Variants in EBF3 observed in about 807,000 individuals in gnomAD.
EBF3 encodes EBF transcription factor 3.
Under a neutral mutation model 77.1 loss-of-function variants are expected in EBF3, and 18 were observed. The ratio of observed to expected loss-of-function variants is 0.23; its 90% CI spans 0.16 to 0.35. The LOEUF (loss-of-function observed/expected upper bound fraction) is 0.35. EBF3 is among the 10% of genes least tolerant of loss of function. The pLI, the probability that EBF3 is intolerant of heterozygous loss-of-function variation, is 1.00. For synonymous variants in EBF3, 350 were observed against 343.5 expected, an observed-to-expected ratio of 1.02 and a Z score of -0.21; for missense variants, 558 against 860.0, an observed-to-expected ratio of 0.65 and a Z score of 4.39.
chr10:129,911,221 A>G (rs144587699), intron 6 of EBF3, among the ~76,000 whole-genome samples: 96 of 152,344 alleles, frequency 6.3e-4, no homozygotes, highest in African/African-American at 2.1e-3. Context: ...ACCAGGAGCC[A>G]TGGTCCCGGA....
intron 9 of EBF3, 115 bp downstream of exon 9, chr10:129,867,667 G>A: frequency 1.3e-6 from 2 of 1,510,468 alleles, no homozygotes; most frequent in Non-Finnish European, 1.8e-6. Flanking sequence ...ACAGTGCAGT[G>A]TGTTAAAAGG....
At chr10:129,907,826 A>T (rs941255410) in intron 6 of EBF3, among the ~76,000 whole-genome samples, 13 of 152,178 alleles carry the variant, frequency 8.5e-5, no homozygotes, top group African/African-American at 3.1e-4. Context: ...TGTAAAGTGC[A>T]CTCTCCTGGT....
At chr10:129,903,576 A>G (rs1854933829) in intron 6 of EBF3, among the ~76,000 whole-genome samples, 1 of 152,252 alleles carries the variant, frequency 6.6e-6, no homozygotes, top group Admixed American at 6.5e-5. Flanking sequence ...AATGTATTAG[A>G]GAGATACTGG....
In EBF3 at chr10:129,839,093, C is replaced by T; in HGVS notation, c.1862G>A (p.Gly621Glu). ...TCAAATCACTGATACCTTTCCAGTT[C>T]CTTTTTTGAGCATTAGTTCATCAAA... ...FHFDELMLKK[G>E]TGKLCLGW Residue 621 changes from glycine (G) to glutamate (E), a missense_variant, in exon 16 of 17, where the codon GGA (glycine) becomes GAA (glutamate). By Grantham distance (98) the Gly-to-Glu change is moderately conservative (BLOSUM62 -2). Transcript: ENST00000440978. The T allele has an allele frequency of 7.7e-7, 1 of 1,304,486 alleles. No homozygotes were observed. Among genetic ancestry groups the T allele is most frequent in the Non-Finnish European group, 1.0e-6 (1 of 989,002 alleles). The allele number at this position is 1,304,486 out of a possible 1,614,324, so 80.8% of individuals were successfully genotyped here.
chr10:129,840,183 CACT>C (rs2133940734), intron 15 of EBF3, 59 bp downstream of exon 15: 2,241 of 1,319,768 alleles, frequency 1.7e-3, no homozygotes, highest in Non-Finnish European at 2.1e-3. Flanking sequence ...CCCCCACCCC[CACT>C]CCCATCCCCA....
intron 6 of EBF3, among the ~76,000 whole-genome samples, chr10:129,955,241 T>C (rs1858952464): frequency 6.6e-6 from 1 of 152,198 alleles, no homozygotes; most frequent in Admixed American, 6.5e-5. Context: ...ACCCTCACCT[T>C]AAAATCCCTA....
In EBF3 at chr10:129,842,144, C is replaced by T. The variant is rs1850109722; in HGVS notation, c.1344G>A (p.Val448=). ...GGTCGTTGGCTTGTGACGTCTCTGA[C>T]ACGTTGACGGCTAGCTGGCTGCTGA... ...NSFSSQLAVN[V]SETSQANDQV... The change falls in exon 13 of 17, where the codon GTG becomes GTA. Residue 448 remains valine, a synonymous_variant. Transcript: ENST00000440978. This position sits in a 1 kb window ranked among gnomAD's most constrained non-coding sequence, Gnocchi z 4.4. 1 of 1,614,124 alleles carries T rather than the reference C, an allele frequency of 6.2e-7. No individual in the cohort carries two copies. Among genetic ancestry groups the T allele is most frequent in the Non-Finnish European group, 8.5e-7 (1 of 1,180,050 alleles).
At chr10:129,887,112 C>G (rs1167750448) in intron 6 of EBF3, among the ~76,000 whole-genome samples, 1 of 143,498 alleles carries the variant, frequency 7.0e-6, no homozygotes, top group Non-Finnish European at 1.5e-5. Flanking sequence ...GGGGCACTGG[C>G]CCACAAAGAA....
intron 7 of EBF3, among the ~76,000 whole-genome samples, chr10:129,875,548 G>T (rs906259292): frequency 6.6e-6 from 1 of 152,170 alleles, no homozygotes; most frequent in Non-Finnish European, 1.5e-5. Flanking sequence ...CAGCAGGGGC[G>T]GTACACACGC....
At chr10:129,901,057 G>A (rs568259114) in intron 6 of EBF3, among the ~76,000 whole-genome samples, 5 of 152,270 alleles carry the variant, frequency 3.3e-5, no homozygotes, top group East Asian at 1.9e-4. Flanking sequence ...TTTCTGGCAC[G>A]CCCTCTGATA....
chr10:129,856,018 C>T (rs1035155399), intron 10 of EBF3, among the ~76,000 whole-genome samples: 1 of 152,248 alleles, frequency 6.6e-6, no homozygotes, highest in Non-Finnish European at 1.5e-5. Flanking sequence ...CTGTCCTGTG[C>T]TCTGGGGTGG....
intron 6 of EBF3, among the ~76,000 whole-genome samples, chr10:129,946,966 G>A (rs576842356): frequency 1.1e-4 from 17 of 152,302 alleles, no homozygotes; most frequent in South Asian, 2.1e-4. Flanking sequence ...CTCGCTGGCC[G>A]GGGACCTGGC....
chr10:129,921,916 G>A (rs993721138), intron 6 of EBF3, among the ~76,000 whole-genome samples: 6 of 152,134 alleles, frequency 3.9e-5, no homozygotes, highest in East Asian at 1.9e-4. Context: ...AGCCTGGCCC[G>A]CCCCCTGTCT....
intron 6 of EBF3, among the ~76,000 whole-genome samples, chr10:129,920,790 T>C (rs748603825): frequency 2.6e-5 from 4 of 152,192 alleles, no homozygotes; most frequent in African/African-American, 7.2e-5. Flanking sequence ...TGAAGGACCA[T>C]GATGGCTGGT....
At chr10:129,917,328 C>G (rs569047507) in intron 6 of EBF3, among the ~76,000 whole-genome samples, 18 of 152,222 alleles carry the variant, frequency 1.2e-4, no homozygotes, top group Non-Finnish European at 2.4e-4. Flanking sequence ...AAATTCACAC[C>G]ACTGCACTCC....
intron 6 of EBF3, among the ~76,000 whole-genome samples, chr10:129,880,340 C>T (rs568407803): frequency 8.1e-4 from 114 of 140,140 alleles, no homozygotes; most frequent in African/African-American, 2.8e-3. Context: ...TACATACACA[C>T]ACATGCCCAC....
chr10:129,846,691 A>G (rs1850487392), intron 11 of EBF3, among the ~76,000 whole-genome samples: 1 of 152,020 alleles, frequency 6.6e-6, no homozygotes. Flanking sequence ...GCTGAACTCC[A>G]CATTTGGGTC....
intron 10 of EBF3, among the ~76,000 whole-genome samples, chr10:129,859,314 C>T (rs944230975): frequency 2.0e-5 from 3 of 152,114 alleles, no homozygotes; most frequent in South Asian, 2.1e-4. Flanking sequence ...CTCCGCCTCC[C>T]GGGTTCAAGA....
chr10:129,959,383 G>T (rs113176362), intron 4 of EBF3, among the ~76,000 whole-genome samples: 6,498 of 151,968 alleles, frequency 0.043, 453 homozygotes, highest in African/African-American at 0.15. Flanking sequence ...GGGCCCCTTC[G>T]GCATTCCGCG....
Sources: gnomAD v4.1 joint callset for allele counts (sites outside exome capture counted in the v4.1 genomes callset) on GRCh38, gnomAD v4.1.1 for gene constraint, Gnocchi (gnomAD v3.1) non-coding constraint, MANE v1.5 for transcripts, NCBI Gene and HGNC (gene_info 2026-07-23, HGNC 2026-07-21) for gene names.